SPMAP2L: variants seen among roughly 807,000 people sequenced by gnomAD.
SPMAP2L encodes sperm microtubule associated protein 2 like.
At chr4:56,608,336 G>A in the SPMAP2L span, among the ~76,000 whole-genome samples, 1 of 152,226 alleles carries the variant, frequency 6.6e-6, no homozygotes, top group African/African-American at 2.4e-5. Context: ...TAAAGGATAA[G>A]AAGCATGGTT....
chr4:56,541,586 C>A, the SPMAP2L span, among the ~76,000 whole-genome samples: 2 of 152,086 alleles, frequency 1.3e-5, no homozygotes, highest in African/African-American at 4.8e-5. Context: ...GTACCCATTA[C>A]GTAGTTTCAA....
At chr4:56,601,210 T>G in the SPMAP2L span, 1 of 1,175,736 alleles carries the variant, frequency 8.5e-7, no homozygotes. Flanking sequence ...TGTAGAAATA[T>G]GAAAAGAACT....
the SPMAP2L span, among the ~76,000 whole-genome samples, chr4:56,544,994 A>G: frequency 6.6e-6 from 1 of 152,218 alleles, no homozygotes; most frequent in East Asian, 1.9e-4. Context: ...ACTGAGGACA[A>G]TGCTGTCCAC....
At chr4:56,614,911 T>C in the SPMAP2L span, among the ~76,000 whole-genome samples, 2 of 152,154 alleles carry the variant, frequency 1.3e-5, no homozygotes, top group African/African-American at 4.8e-5. Context: ...AAAGGTACCT[T>C]ATTAATCCTT....
At chr4:56,539,645 C>T in the SPMAP2L span, among the ~76,000 whole-genome samples, 1 of 152,178 alleles carries the variant, frequency 6.6e-6, no homozygotes, top group East Asian at 1.9e-4. Flanking sequence ...TGGTCTCAAA[C>T]TCCTGACCTC....
the SPMAP2L span, among the ~76,000 whole-genome samples, chr4:56,607,960 T>TCTAAC: frequency 6.9e-6 from 1 of 145,520 alleles, no homozygotes; most frequent in Admixed American, 7.0e-5. Context: ...GCCACTGCAT[T>TCTAAC]CTAACCTAAG....
chr4:56,614,425 C>A, the SPMAP2L span, among the ~76,000 whole-genome samples: 2 of 152,008 alleles, frequency 1.3e-5, no homozygotes, highest in African/African-American at 4.8e-5. Flanking sequence ...GAGGCCAAGC[C>A]GGGTGGATCA....
the SPMAP2L span, among the ~76,000 whole-genome samples, chr4:56,619,405 C>T: frequency 1.3e-5 from 2 of 152,172 alleles, no homozygotes; most frequent in African/African-American, 2.4e-5. Context: ...TCTCCTCCCC[C>T]CAGTGGCTGG....
At chr4:56,616,230 G>A in the SPMAP2L span, among the ~76,000 whole-genome samples, 1 of 152,314 alleles carries the variant, frequency 6.6e-6, no homozygotes, top group African/African-American at 2.4e-5. Flanking sequence ...GGCAATCTCT[G>A]TGTCTTTATT....
chr4:56,543,038 T>C, the SPMAP2L span, among the ~76,000 whole-genome samples: 3 of 151,970 alleles, frequency 2.0e-5, no homozygotes, highest in Non-Finnish European at 4.4e-5. Context: ...ATCCTGTACG[T>C]GTACTTTTAC....
At chr4:56,622,592 A>G in the SPMAP2L span, among the ~76,000 whole-genome samples, 2 of 152,196 alleles carry the variant, frequency 1.3e-5, no homozygotes, top group African/African-American at 4.8e-5. Flanking sequence ...ATCAGCAATA[A>G]CACATTTCAT....
At chr4:56,581,147 T>A in the SPMAP2L span, among the ~76,000 whole-genome samples, 23 of 151,962 alleles carry the variant, frequency 1.5e-4, no homozygotes, top group Admixed American at 1.1e-3. Flanking sequence ...AGACCTCATT[T>A]TCTACTAAAA....
chr4:56,602,584 A>G, the SPMAP2L span, among the ~76,000 whole-genome samples: 153 of 152,258 alleles, frequency 1.0e-3, no homozygotes, highest in African/African-American at 3.4e-3. Context: ...AGTCCCAGCT[A>G]TTTGAGAGGC....
chr4:56,601,538 C>G, the SPMAP2L span, among the ~76,000 whole-genome samples: 1 of 152,092 alleles, frequency 6.6e-6, no homozygotes, highest in Non-Finnish European at 1.5e-5. Context: ...GTGGGAAGAT[C>G]GCTTGAGCCC....
the SPMAP2L span, chr4:56,530,830 C>G: frequency 4.6e-6 from 7 of 1,535,320 alleles, no homozygotes; most frequent in Admixed American, 1.4e-4. Flanking sequence ...GTCCGAGGAT[C>G]CCGAGAAACA....
the SPMAP2L span, chr4:56,596,713 C>G: frequency 1.7e-5 from 22 of 1,304,546 alleles, no homozygotes; most frequent in Non-Finnish European, 2.2e-5. Flanking sequence ...AGGGCATAGC[C>G]CAAAGTCACT....
At chr4:56,592,708 G>A in the SPMAP2L span, among the ~76,000 whole-genome samples, 1 of 151,984 alleles carries the variant, frequency 6.6e-6, no homozygotes, top group Non-Finnish European at 1.5e-5. Flanking sequence ...GCGGGGTCGG[G>A]GGCGGCCGCC....
At chr4:56,593,927 C>A in the SPMAP2L span, 1 of 1,607,996 alleles carries the variant, frequency 6.2e-7, no homozygotes, top group Non-Finnish European at 8.5e-7. Flanking sequence ...AGGTCTCAAG[C>A]GAGCAGGGCA....
the SPMAP2L span, among the ~76,000 whole-genome samples, chr4:56,540,032 G>A: frequency 7.9e-3 from 1,208 of 152,202 alleles, 17 homozygotes; most frequent in African/African-American, 0.028. Flanking sequence ...TCATTCATAT[G>A]GCCATTCCTG....
Sources: gnomAD v4.1 joint callset for allele counts (sites outside exome capture counted in the v4.1 genomes callset) on GRCh38, gnomAD v4.1.1 for gene constraint, MANE v1.5 for transcripts, NCBI Gene and HGNC (gene_info 2026-07-23, HGNC 2026-07-21) for gene names.